ECH1: variants seen among roughly 807,000 people sequenced by gnomAD.
ECH1 encodes enoyl-CoA hydratase 1, also known as delta(3,5)-Delta(2,4)-dienoyl-CoA isomerase, mitochondrial.
A neutral mutation model predicts 37.0 loss-of-function variants in ECH1; 30 were observed. That is an observed-to-expected ratio of 0.81 (90% CI 0.61 to 1.10). The LOEUF is 1.10. ECH1 is among the 50% of genes least tolerant of loss of function. ECH1 has a pLI of 0.00. For missense variants in ECH1, 456 were observed against 441.6 expected (o/e 1.03, Z -0.29); for synonymous variants, 178 against 176.0 (o/e 1.01, Z -0.09).
chr19:38,821,460 C>T lies in ECH1; in HGVS notation c.350-3885G>A, dbSNP rs530770353. 2.8e-3 allele frequency among the ~76,000 whole-genome samples: 422 copies of T among 152,322 alleles called. 3 individuals are homozygous for T. The highest frequency in any genetic ancestry group is 9.8e-3 in the African/African-American group (406 of 41,584). ...AGCCCCTCTCTGGGCTGGCCAAGAT[C>T]GGAGCCGGCTCCCTCTGCTTGCAGG... On this transcript the variant is annotated intron_variant, in intron 3 of 9. Transcript: ENST00000221418.
At chr19:38,816,186 A>C in intron 8 of ECH1, 98 bp downstream of exon 8, 3 of 1,514,642 alleles carry the variant, frequency 2.0e-6, no homozygotes, top group Non-Finnish European at 2.7e-6. Context: ...GGATGCCACT[A>C]GGAATTCTAG....
chr19:38,828,685 G>A (rs1414993384), intron 3 of ECH1, among the ~76,000 whole-genome samples: 7 of 151,926 alleles, frequency 4.6e-5, no homozygotes, highest in East Asian at 3.9e-4. Flanking sequence ...GCGCCATCTC[G>A]GCTCACTGCA....
At position 38,831,120 on chromosome 19, in the gene ECH1, G is replaced by T; in HGVS notation, c.307C>A (p.Arg103=). Residue 103 remains arginine, a synonymous_variant, in exon 3 of 10, where the codon CGG becomes AGG. Coordinates refer to ENST00000221418, the MANE Select transcript of ECH1 (RefSeq NM_001398.3). ...CCTGCACCAGAGATCACCACCGCCC[G>T]ACAGTCAGCGTCTCTCGAAATCTTG... is the stretch of plus-strand genomic sequence containing the variant. ...FNKISRDADC[R]AVVISGAGKM... is the part of the protein sequence containing the mutation. 2 of 1,614,060 alleles carry T rather than the reference G, an allele frequency of 1.2e-6. No individual in the cohort carries two copies. Among genetic ancestry groups the T allele is most frequent in the Non-Finnish European group, 1.7e-6 (2 of 1,180,034 alleles).
chr19:38,821,830 C>A (rs117837048), intron 3 of ECH1, among the ~76,000 whole-genome samples: 3,694 of 152,340 alleles, frequency 0.024, 67 homozygotes, highest in Middle Eastern at 0.051. Context: ...AGCGCCACCC[C>A]CTGCTCGGCG....
At position 38,831,722 on chromosome 19, in the gene ECH1, C is replaced by T; in HGVS notation, c.51G>A (p.Arg17=). The stretch of plus-strand genomic sequence containing the variant: ...CCCATAAGGCAAGAGGTGACTCACG[C>T]CGGGTCAGTAGGTCGCGGAGTCTGC... ...ASRRLRDLLT[R]RLTGSNYPGL... is the part of the protein sequence containing the mutation. The change falls in exon 1 of 10, where the codon CGG becomes CGA. Residue 17 remains arginine (R), a splice_region_variant and synonymous_variant. Coordinates refer to ENST00000221418, the MANE Select transcript of ECH1 (RefSeq NM_001398.3). The T allele has an allele frequency of 3.7e-6, 6 of 1,613,772 alleles. No homozygotes were observed. The highest frequency in any genetic ancestry group is 5.1e-6 in the Non-Finnish European group (6 of 1,179,918).
At chr19:38,823,716 G>A (rs1257485378) in intron 3 of ECH1, among the ~76,000 whole-genome samples, 3 of 152,220 alleles carry the variant, frequency 2.0e-5, no homozygotes, top group Admixed American at 1.3e-4. Flanking sequence ...GCCATGAGCG[G>A]AACACTCAAA....
chr19:38,830,152 T>C (rs895729756), intron 3 of ECH1, among the ~76,000 whole-genome samples: 1 of 152,082 alleles, frequency 6.6e-6, no homozygotes, highest in Non-Finnish European at 1.5e-5. Flanking sequence ...TGAAACAAAA[T>C]AAAACAAAAT....
At chr19:38,827,697 T>C (rs1304413196) in intron 3 of ECH1, among the ~76,000 whole-genome samples, 2 of 152,124 alleles carry the variant, frequency 1.3e-5, no homozygotes, top group Non-Finnish European at 2.9e-5. Flanking sequence ...AGATGGGTTC[T>C]TGCACTGTCA....
chr19:38,828,417 A>G (rs1251332636), intron 3 of ECH1, among the ~76,000 whole-genome samples: 1 of 151,454 alleles, frequency 6.6e-6, no homozygotes, highest in African/African-American at 2.4e-5. Flanking sequence ...TTTTTAGTAC[A>G]GACGGGGTTT....
At position 38,831,179 on chromosome 19, in the gene ECH1, G is replaced by T; in HGVS notation, c.261-13C>A. 1 of 1,613,958 alleles carries T rather than the reference G, an allele frequency of 6.2e-7. No homozygotes were observed. Among genetic ancestry groups the T allele is most frequent in the Non-Finnish European group, 8.5e-7 (1 of 1,179,864 alleles). Reference sequence around the variant, plus strand: ...CTCTACCATCTCTCTGTGAAGCAACGAGTGAAGGGTTACAAATGGGGCGGG... The same window carrying T: ...CTCTACCATCTCTCTGTGAAGCAACTAGTGAAGGGTTACAAATGGGGCGGG... On this transcript the variant is annotated splice_polypyrimidine_tract_variant and intron_variant, in intron 2 of 9. Coordinates refer to ENST00000221418, the MANE Select transcript of ECH1 (RefSeq NM_001398.3).
At chr19:38,815,765 G>A (rs1435815758) in intron 9 of ECH1, 48 bp from the exon 10 acceptor site, 1 of 1,613,556 alleles carries the variant, frequency 6.2e-7, no homozygotes, top group Non-Finnish European at 8.5e-7. Flanking sequence ...ATTAGCAGGG[G>A]CCAATCAGGA....
chr19:38,818,344 C>A, intron 3 of ECH1: 1 of 985,374 alleles, frequency 1.0e-6, no homozygotes, highest in Non-Finnish European at 1.2e-6. Context: ...TCAAGATGAT[C>A]CTGAATCTGA....
At chr19:38,825,952 C>A (rs912537051) in intron 3 of ECH1, among the ~76,000 whole-genome samples, 1 of 152,154 alleles carries the variant, frequency 6.6e-6, no homozygotes, top group Non-Finnish European at 1.5e-5. Context: ...GCCCCGGGTA[C>A]GTTTAACCAT....
In ECH1 at chr19:38,821,864, A is replaced by G. The variant is rs535325004; in HGVS notation, c.350-4289T>C. Among the ~76,000 whole-genome samples the G allele has an allele frequency of 2.0e-5, 3 of 152,348 alleles. No individual in the cohort carries two copies. The South Asian group carries it at 6.2e-4, about 32-fold the overall frequency. The stretch of plus-strand genomic sequence containing the variant: ...CGGCGCCTGGTCCCATCAACTGCCC[A>G]AGGGCTGAGGAGTGCTCCGCCTGCG... On this transcript the variant is annotated intron_variant, in intron 3 of 9. Transcript: ENST00000221418.
At chr19:38,817,791 C>G in intron 3 of ECH1, 2 of 976,868 alleles carry the variant, frequency 2.0e-6, no homozygotes, top group Non-Finnish European at 2.4e-6. Context: ...AGAATCCTCA[C>G]AGCAACCGTA....
At chr19:38,831,543 G>C (rs368401725) in intron 1 of ECH1, 27 bp from the exon 2 acceptor site, 2 of 1,598,906 alleles carry the variant, frequency 1.3e-6, no homozygotes, top group East Asian at 4.5e-5. Flanking sequence ...AGCCTTTGAT[G>C]ACCCCAGACT....
In ECH1 at chr19:38,815,523, T is replaced by C. The variant is rs2145367603; in HGVS notation, c.*90A>G. ...AACTGGGAAACTGGGTCAGAAGGCA[T>C]AGAAACAACTGTCATCGCCCATCCT... On this transcript the variant is annotated 3_prime_UTR_variant, in exon 10 of 10. Coordinates refer to ENST00000221418, the MANE Select transcript of ECH1 (RefSeq NM_001398.3). The C allele has an allele frequency of 3.1e-6, 4 of 1,293,078 alleles. No individual in the cohort carries two copies. Among genetic ancestry groups the C allele is most frequent in the Non-Finnish European group, 4.4e-6 (4 of 900,570 alleles). 80.1% of individuals were successfully genotyped at this position (1,293,078 alleles called of 1,614,324 possible). A position where few individuals can be genotyped will look rare whatever the true frequency, so the allele number is the denominator to read the frequency against.
At chr19:38,825,278 C>A (rs1030023992) in intron 3 of ECH1, among the ~76,000 whole-genome samples, 1 of 152,080 alleles carries the variant, frequency 6.6e-6, no homozygotes, top group Non-Finnish European at 1.5e-5. Flanking sequence ...GGACTGGAGT[C>A]GTAAACATCT....
chr19:38,826,137 C>T (rs1211941583), intron 3 of ECH1, among the ~76,000 whole-genome samples: 2 of 152,226 alleles, frequency 1.3e-5, no homozygotes, highest in African/African-American at 2.4e-5. Flanking sequence ...GCTCTTTTCA[C>T]ATGCCTTTCT....
Sources: gnomAD v4.1 joint callset for allele counts (sites outside exome capture counted in the v4.1 genomes callset) on GRCh38, gnomAD v4.1.1 for gene constraint, MANE v1.5 for transcripts, NCBI Gene and HGNC (gene_info 2026-07-23, HGNC 2026-07-21) for gene names.